PDE4D: variants seen among roughly 807,000 people sequenced by gnomAD.
PDE4D encodes 3',5'-cyclic-AMP phosphodiesterase 4D.
PDE4D carries 24 observed loss-of-function variants against 87.4 expected under a neutral mutation model. The observed-to-expected ratio is 0.27, with a 90% CI of 0.20 to 0.39. The LOEUF is 0.39. PDE4D is among the 10% of genes least tolerant of loss of function. PDE4D has a pLI of 1.00. For synonymous variants in PDE4D, 384 were observed against 383.2 expected, an observed-to-expected ratio of 1.00 and a Z score of -0.02; for missense variants, 714 against 1,041.0, an observed-to-expected ratio of 0.69 and a Z score of 4.32.
intron 2 of PDE4D, among the ~76,000 whole-genome samples, chr5:60,031,817 A>G (rs1205167847): frequency 6.6e-6 from 1 of 152,160 alleles, no homozygotes; most frequent in East Asian, 1.9e-4. Flanking sequence ...AGAAACAATG[A>G]CAGGTTAAAG....
chr5:59,021,532 T>G (rs1755150738), intron 6 of PDE4D, among the ~76,000 whole-genome samples: 1 of 152,218 alleles, frequency 6.6e-6, no homozygotes, highest in Non-Finnish European at 1.5e-5. Flanking sequence ...CTCCTAAGGA[T>G]AGGCCACAGT....
chr5:60,340,279 A>ATT (rs35196365), intron 1 of PDE4D, among the ~76,000 whole-genome samples: 6,083 of 147,192 alleles, frequency 0.041, 294 homozygotes, highest in African/African-American at 0.12. Context: ...ACAGCATCCT[A>ATT]TTTTTTTTTT....
rs186028150 is a variant in PDE4D at position 59,154,614 on chromosome 5, T to C, written c.808+25981A>G. 6.6e-5 allele frequency among the ~76,000 whole-genome samples: 10 copies of C among 152,250 alleles called. No homozygotes were observed. The East Asian group carries it at 1.9e-3, about 29-fold the overall frequency. On this transcript the variant is annotated intron_variant, in intron 5 of 14. Coordinates refer to ENST00000340635, the MANE Select transcript of PDE4D (RefSeq NM_001104631.2). ...AATTGTATTCATTTGGGGCCGAGCA[T>C]GGTGGCTCACACCTGTAACCTCAGC...
intron 1 of PDE4D, among the ~76,000 whole-genome samples, chr5:59,687,749 C>T (rs976003110): frequency 5.3e-5 from 8 of 152,246 alleles, no homozygotes; most frequent in South Asian, 2.1e-4. Context: ...GGGCTAAATG[C>T]TCCAATTAAA....
chr5:60,404,021 CT>C lies in PDE4D; in HGVS notation c.-90+83920del, dbSNP rs577435978. ...CAAGCATTTTAGTGTAAACTGGCCA[CT>C]TTGTTAAAACTGAGCGATTCTCCTC... On this transcript the variant is annotated intron_variant, in intron 1 of 16. Coordinates refer to the PDE4D transcript ENST00000502484. Among the ~76,000 whole-genome samples the C allele has an allele frequency of 6.5e-3, 995 of 152,210 alleles. 10 individuals are homozygous for C. The highest frequency in any genetic ancestry group is 0.023 in the African/African-American group (939 of 41,550).
chr5:59,374,757 T>C (rs1784446430), intron 1 of PDE4D, among the ~76,000 whole-genome samples: 1 of 152,106 alleles, frequency 6.6e-6, no homozygotes, highest in African/African-American at 2.4e-5. Flanking sequence ...TACTCTAAAA[T>C]TGATCACATA....
chr5:59,162,853 C>CAAAAAAAAA (rs368976708), intron 5 of PDE4D, among the ~76,000 whole-genome samples: 4,583 of 121,282 alleles, frequency 0.038, 162 homozygotes, highest in Middle Eastern at 0.064. Flanking sequence ...GACCCTGCAT[C>CAAAAAAAAA]AAAAAAAAAA....
chr5:59,644,546 ATGC>A (rs1742138497), intron 1 of PDE4D, among the ~76,000 whole-genome samples: 1 of 152,202 alleles, frequency 6.6e-6, no homozygotes, highest in South Asian at 2.1e-4. Flanking sequence ...TCCCACAGTC[ATGC>A]TGCATTGCTC....
intron 6 of PDE4D, among the ~76,000 whole-genome samples, chr5:59,033,455 A>G (rs1439934048): frequency 6.6e-6 from 1 of 152,216 alleles, no homozygotes; most frequent in Non-Finnish European, 1.5e-5. Flanking sequence ...TAACCCCAGC[A>G]ATCTACAGTT....
At chr5:59,425,852 T>G (rs1370440845) in intron 1 of PDE4D, among the ~76,000 whole-genome samples, 1 of 152,192 alleles carries the variant, frequency 6.6e-6, no homozygotes, top group East Asian at 1.9e-4. Context: ...CAATCATTAT[T>G]AGTAAATCAT....
At chr5:59,462,207 T>C (rs551241753) in intron 1 of PDE4D, among the ~76,000 whole-genome samples, 33 of 152,184 alleles carry the variant, frequency 2.2e-4, no homozygotes, top group South Asian at 8.3e-4. Context: ...GCCTAAATTA[T>C]CTCCATTTCC....
At chr5:60,432,086 G>T (rs1744376814) in intron 1 of PDE4D, among the ~76,000 whole-genome samples, 1 of 131,852 alleles carries the variant, frequency 7.6e-6, no homozygotes, top group African/African-American at 3.2e-5. Context: ...CGGAGACCGT[G>T]GGGAGAAGGA....
chr5:59,272,732 T>C (rs960540439), intron 1 of PDE4D, among the ~76,000 whole-genome samples: 1 of 152,102 alleles, frequency 6.6e-6, no homozygotes, highest in African/African-American at 2.4e-5. Context: ...TAATAAAATT[T>C]TAATTATAAC....
intron 1 of PDE4D, among the ~76,000 whole-genome samples, chr5:59,371,550 G>A (rs1783943447): frequency 6.6e-6 from 1 of 152,034 alleles, no homozygotes; most frequent in South Asian, 2.1e-4. Flanking sequence ...AGTTAAGGTG[G>A]TTTTTGATCT....
At chr5:60,104,179 G>C (rs923863675) in intron 2 of PDE4D, among the ~76,000 whole-genome samples, 5 of 152,180 alleles carry the variant, frequency 3.3e-5, no homozygotes, top group Non-Finnish European at 5.9e-5. Flanking sequence ...TTTCCCACGG[G>C]CTAAAAAAAC....
At chr5:59,733,146 A>G (rs1368827712) in intron 1 of PDE4D, among the ~76,000 whole-genome samples, 1 of 152,122 alleles carries the variant, frequency 6.6e-6, no homozygotes, top group African/African-American at 2.4e-5. Flanking sequence ...AGCTCCACAT[A>G]GTTGATCAGC....
intron 2 of PDE4D, 111 bp downstream of exon 2, chr5:59,215,666 A>G (rs1751088862): frequency 2.3e-6 from 2 of 871,790 alleles, no homozygotes; most frequent in South Asian, 1.6e-5. Flanking sequence ...TATTCTTTCT[A>G]CATTGGAGGA....
At chr5:60,259,932 G>A (rs1197551519) in intron 1 of PDE4D, among the ~76,000 whole-genome samples, 1 of 151,816 alleles carries the variant, frequency 6.6e-6, no homozygotes, top group Non-Finnish European at 1.5e-5. Flanking sequence ...CTGGTCAAGG[G>A]TTAGCGGCAC....
intron 1 of PDE4D, among the ~76,000 whole-genome samples, chr5:60,311,527 A>T (rs1360619634): frequency 1.3e-5 from 2 of 152,248 alleles, no homozygotes; most frequent in African/African-American, 4.8e-5. Flanking sequence ...AAGGGAATTC[A>T]TTACCACCAG....
Sources: gnomAD v4.1 joint callset for allele counts (sites outside exome capture counted in the v4.1 genomes callset) on GRCh38, gnomAD v4.1.1 for gene constraint, MANE v1.5 for transcripts, NCBI Gene and HGNC (gene_info 2026-07-23, HGNC 2026-07-21) for gene names.